TSHR: variants seen among roughly 807,000 people sequenced by gnomAD.
TSHR encodes thyroid stimulating hormone receptor, also known as thyrotropin receptor.
Under a neutral mutation model 64.1 loss-of-function variants are expected in TSHR, and 51 were observed. The observed-to-expected ratio is 0.80, with a 90% CI of 0.64 to 1.01. TSHR has a LOEUF of 1.01. TSHR is among the 50% of genes least tolerant of loss of function. The pLI, the probability that TSHR is intolerant of heterozygous loss-of-function variation, is 0.00. For missense variants in TSHR, 877 were observed against 942.8 expected (o/e 0.93, Z 0.91); for synonymous variants, 361 against 361.9 (o/e 1.00, Z 0.03).
rs189542103 is a variant in TSHR at position 80,970,090 on chromosome 14, T to G, written c.170+14240T>G. Among the ~76,000 whole-genome samples the G allele has an allele frequency of 6.8e-3, 1,031 of 152,214 alleles. 6 individuals are homozygous for G. The highest frequency in any genetic ancestry group is 9.6e-3 in the Non-Finnish European group (654 of 67,988). On this transcript the variant is annotated intron_variant, in intron 1 of 9. Coordinates refer to ENST00000298171, the MANE Select transcript of TSHR (RefSeq NM_000369.5). ...GGGCTGTAATGCAGCAGTAGTTCATTTTTTTTGGCTGGCATTAGCTTGTGC... is the reference window on the plus strand; with the variant it reads ...GGGCTGTAATGCAGCAGTAGTTCATGTTTTTTGGCTGGCATTAGCTTGTGC...
At chr14:80,983,890 A>G (rs1046391936) in intron 1 of TSHR, among the ~76,000 whole-genome samples, 5 of 152,156 alleles carry the variant, frequency 3.3e-5, no homozygotes, top group African/African-American at 1.2e-4. Flanking sequence ...TTTACATTTT[A>G]TTTAAGAAAG....
intron 8 of TSHR, among the ~76,000 whole-genome samples, chr14:81,127,490 T>C (rs1337358831): frequency 6.6e-6 from 1 of 152,108 alleles, no homozygotes; most frequent in Non-Finnish European, 1.5e-5. Flanking sequence ...AGGAGGAGGC[T>C]ATGCTTGTGT....
chr14:80,981,028 T>C (rs964531013), intron 1 of TSHR, among the ~76,000 whole-genome samples: 4 of 152,258 alleles, frequency 2.6e-5, no homozygotes, highest in Non-Finnish European at 5.9e-5. Context: ...AATCATTCTA[T>C]TCTCTGTAAT....
intron 1 of TSHR, chr14:80,957,825 A>G (rs1886783799): frequency 6.6e-6 from 1 of 152,214 alleles, no homozygotes. Context: ...AGAATGTTCA[A>G]CTAGGTGCTT....
intron 7 of TSHR, among the ~76,000 whole-genome samples, chr14:81,100,180 A>G (rs1889485358): frequency 6.6e-6 from 1 of 152,224 alleles, no homozygotes; most frequent in African/African-American, 2.4e-5. Context: ...ATGATCTTAT[A>G]AAGTTAAACA....
chr14:80,970,184 A>G lies in TSHR; in HGVS notation c.170+14334A>G, dbSNP rs547989944. On this transcript the variant is annotated intron_variant, in intron 1 of 9. Coordinates refer to ENST00000298171, the MANE Select transcript of TSHR (RefSeq NM_000369.5). ...TCATATGGAGCTCTCCATGAAGCCA[A>G]TTTCAGTGAGAGTGCAGCAGAAATA... is the stretch of plus-strand genomic sequence containing the variant. Among the ~76,000 whole-genome samples, 8 of 152,344 alleles carry G rather than the reference A, an allele frequency of 5.3e-5. No homozygotes were observed. The East Asian group carries it at 1.5e-3, about 29-fold the overall frequency.
intron 1 of TSHR, chr14:80,995,564 A>C (rs1313418186): frequency 1.3e-5 from 2 of 152,232 alleles, no homozygotes; most frequent in Non-Finnish European, 2.9e-5. Flanking sequence ...ATCCTCAGCA[A>C]ACCAACACAG....
chr14:81,046,455 A>G (rs1885170060), intron 1 of TSHR, among the ~76,000 whole-genome samples: 1 of 152,008 alleles, frequency 6.6e-6, no homozygotes, highest in South Asian at 2.1e-4. Context: ...AATAGAACTT[A>G]AAGACTTAAC....
At chr14:81,091,925 G>A (rs1595094401) in intron 5 of TSHR, among the ~76,000 whole-genome samples, 1 of 152,308 alleles carries the variant, frequency 6.6e-6, no homozygotes, top group East Asian at 1.9e-4. Flanking sequence ...AGAATTACAA[G>A]TTGAGTTTGC....
chr14:80,960,000 T>C (rs1886931437), intron 1 of TSHR, among the ~76,000 whole-genome samples: 1 of 152,204 alleles, frequency 6.6e-6, no homozygotes, highest in African/African-American at 2.4e-5. Flanking sequence ...AAAAATATAA[T>C]TAAATTCTAG....
At chr14:81,009,553 G>A (rs896001253) in intron 1 of TSHR, among the ~76,000 whole-genome samples, 30 of 151,894 alleles carry the variant, frequency 2.0e-4, no homozygotes, top group African/African-American at 6.8e-4. Flanking sequence ...TTTACTCTTC[G>A]TTTTATCATA....
At chr14:81,127,097 A>T (rs1243396667) in intron 8 of TSHR, among the ~76,000 whole-genome samples, 3 of 152,248 alleles carry the variant, frequency 2.0e-5, no homozygotes, top group Non-Finnish European at 4.4e-5. Flanking sequence ...TGACAGGTAT[A>T]AATCAACCTT....
intron 1 of TSHR, among the ~76,000 whole-genome samples, chr14:81,038,207 A>T (rs13353104): frequency 0.24 from 37,130 of 151,898 alleles, 4,665 homozygotes; most frequent in South Asian, 0.33. Flanking sequence ...AATACATGGA[A>T]ATTAAACAAC....
intron 1 of TSHR, among the ~76,000 whole-genome samples, chr14:80,967,191 T>C (rs999109660): frequency 4.6e-4 from 14 of 30,622 alleles, no homozygotes; most frequent in African/African-American, 6.9e-4. Flanking sequence ...TATGTGTATA[T>C]ATATATATAT....
intron 1 of TSHR, among the ~76,000 whole-genome samples, chr14:81,002,795 T>C (rs868584662): frequency 5.3e-4 from 30 of 56,200 alleles, no homozygotes; most frequent in East Asian, 4.5e-3. Context: ...TTTTTTTTTT[T>C]TTTTTTTTTT....
rs114082600 is a variant in TSHR at position 81,077,425 on chromosome 14, T to C, written c.317+9097T>C. ...GTGTACACACACATATTCATACATA[T>C]ATGTTTAGCCAACCTTAATTGAGCA... On this transcript the variant is annotated intron_variant, in intron 3 of 9. Coordinates refer to ENST00000298171, the MANE Select transcript of TSHR (RefSeq NM_000369.5). 8.7e-3 allele frequency among the ~76,000 whole-genome samples: 1,333 copies of C among 152,352 alleles called. 18 individuals are homozygous for C. Among genetic ancestry groups the C allele is most frequent in the African/African-American group, 0.03 (1,250 of 41,576 alleles).
At chr14:81,142,835 C>A in intron 9 of TSHR, 105 bp from the exon 10 acceptor site, 1 of 988,380 alleles carries the variant, frequency 1.0e-6, no homozygotes, top group South Asian at 1.3e-5. Flanking sequence ...GTCTCAAACT[C>A]CTAGGCTCAA....
intron 3 of TSHR, among the ~76,000 whole-genome samples, chr14:81,071,762 A>AAAAT (rs34030078): frequency 0.032 from 4,918 of 152,102 alleles, 254 homozygotes; most frequent in African/African-American, 0.11. Context: ...GCTGGTCTCT[A>AAAAT]AAATAAATAA....
intron 8 of TSHR, among the ~76,000 whole-genome samples, chr14:81,114,934 T>C (rs1411822463): frequency 8.3e-4 from 126 of 152,144 alleles, no homozygotes; most frequent in Admixed American, 7.7e-3. Flanking sequence ...ACACCTCACA[T>C]GGCAGGGTAC....
Sources: gnomAD v4.1 joint callset for allele counts (sites outside exome capture counted in the v4.1 genomes callset) on GRCh38, gnomAD v4.1.1 for gene constraint, MANE v1.5 for transcripts, NCBI Gene and HGNC (gene_info 2026-07-23, HGNC 2026-07-21) for gene names.